The following OSBP2 variants were observed in gnomAD, a reference collection of about 807,000 sequenced individuals.
OSBP2 encodes oxysterol-binding protein 2.
Under a neutral mutation model 96.0 loss-of-function variants are expected in OSBP2, and 66 were observed. That is an observed-to-expected ratio of 0.69 (90% confidence interval 0.56 to 0.84). OSBP2 has a LOEUF of 0.84. OSBP2 is among the 40% of genes least tolerant of loss of function. The pLI is 0.00. For synonymous variants in OSBP2, 525 were observed against 520.9 expected (o/e 1.01, Z -0.11); for missense variants, 1,038 against 1,222.7 (o/e 0.85, Z 2.25).
At chr22:30,785,032 C>T (rs367608073) in intron 2 of OSBP2, among the ~76,000 whole-genome samples, 4 of 152,048 alleles carry the variant, frequency 2.6e-5, no homozygotes, top group Non-Finnish European at 5.9e-5. Context: ...CCTTGGCCTC[C>T]CAAAGTGCTG....
At chr22:30,851,485 T>C (rs1443207985) in intron 2 of OSBP2, among the ~76,000 whole-genome samples, 1 of 152,266 alleles carries the variant, frequency 6.6e-6, no homozygotes, top group African/African-American at 2.4e-5. Context: ...GTGGCTTTTC[T>C]TTAGATTCTT....
intron 1 of OSBP2, among the ~76,000 whole-genome samples, chr22:30,735,567 T>G (rs1192530582): frequency 6.6e-6 from 1 of 152,026 alleles, no homozygotes; most frequent in African/African-American, 2.4e-5. Context: ...CACTTCACCC[T>G]CCCAAAGTGC....
chr22:30,694,218 C>A (rs1269535806), upstream of OSBP2: 83 of 1,549,758 alleles, frequency 5.4e-5, no homozygotes, highest in East Asian at 1.9e-3. Context: ...AGAACCCGAA[C>A]GATGTCGTCA....
chr22:30,816,715 G>A (rs565999834), intron 2 of OSBP2, among the ~76,000 whole-genome samples: 1 of 152,222 alleles, frequency 6.6e-6, no homozygotes, highest in East Asian at 1.9e-4. Flanking sequence ...ACTGAATGGT[G>A]CCCTTGGTGC....
At chr22:30,738,788 C>G (rs911178637) in intron 1 of OSBP2, among the ~76,000 whole-genome samples, 2 of 152,084 alleles carry the variant, frequency 1.3e-5, no homozygotes, top group Admixed American at 1.3e-4. Flanking sequence ...TCACAATCTC[C>G]TCACCTCAAG....
chr22:30,854,600 C>T (rs2039043307), intron 2 of OSBP2, among the ~76,000 whole-genome samples: 1 of 150,322 alleles, frequency 6.7e-6, no homozygotes, highest in African/African-American at 2.5e-5. Flanking sequence ...TGAGCCAACA[C>T]ACCCGCCCTA....
chr22:30,752,509 C>T (rs1190395398), intron 2 of OSBP2, among the ~76,000 whole-genome samples: 3 of 151,706 alleles, frequency 2.0e-5, no homozygotes, highest in Admixed American at 2.0e-4. Context: ...CCAGGATGGT[C>T]TCGATCTCCT....
intron 1 of OSBP2, among the ~76,000 whole-genome samples, chr22:30,712,068 G>T (rs2089362731): frequency 6.6e-6 from 1 of 152,208 alleles, no homozygotes; most frequent in African/African-American, 2.4e-5. Flanking sequence ...CCCAAACGGA[G>T]ATCAATGGCA....
At chr22:30,756,812 A>G (rs1007506451) in intron 2 of OSBP2, among the ~76,000 whole-genome samples, 22 of 152,184 alleles carry the variant, frequency 1.4e-4, no homozygotes, top group African/African-American at 5.3e-4. Context: ...GACGGAAGTA[A>G]CATTGTCAGT....
intron 2 of OSBP2, among the ~76,000 whole-genome samples, chr22:30,751,444 T>C (rs2090072735): frequency 6.6e-6 from 1 of 152,030 alleles, no homozygotes; most frequent in Non-Finnish European, 1.5e-5. Flanking sequence ...AACCCCCATC[T>C]CCCAAGTTCA....
chr22:30,694,259 A>T, upstream of OSBP2: 1 of 1,549,898 alleles, frequency 6.5e-7, no homozygotes, highest in Non-Finnish European at 8.7e-7. Flanking sequence ...CATGAACCGT[A>T]GGCCAGCTGG....
chr22:30,897,711 G>A (rs2040095394), intron 12 of OSBP2, among the ~76,000 whole-genome samples: 1 of 152,208 alleles, frequency 6.6e-6, no homozygotes, highest in Admixed American at 6.5e-5. Context: ...GCCGAAGGTA[G>A]CGGGGGAGGG....
chr22:30,736,845 T>C lies in OSBP2; in HGVS notation c.645-4316T>C, dbSNP rs571532445. ...TCTGTGTCCATAATTTCATCTACTTTTGTTTAGGAATATCTGTCCTCTTTC... is the reference window on the plus strand; with the variant it reads ...TCTGTGTCCATAATTTCATCTACTTCTGTTTAGGAATATCTGTCCTCTTTC... On this transcript the variant is annotated intron_variant, in intron 1 of 13. Transcript: ENST00000332585. Among the ~76,000 whole-genome samples, 7 of 152,364 alleles carry C rather than the reference T, an allele frequency of 4.6e-5. No individual in the cohort carries two copies. The East Asian group carries it at 1.3e-3, about 29-fold the overall frequency.
chr22:30,780,399 G>A (rs1446626861), intron 2 of OSBP2, among the ~76,000 whole-genome samples: 2 of 152,176 alleles, frequency 1.3e-5, no homozygotes, highest in African/African-American at 4.8e-5. Flanking sequence ...AACCCGACAC[G>A]CATGACACGG....
chr22:30,887,167 C>T (rs1211019953), intron 3 of OSBP2, among the ~76,000 whole-genome samples: 6 of 152,144 alleles, frequency 3.9e-5, no homozygotes, highest in Non-Finnish European at 7.3e-5. Flanking sequence ...AGGTCACTCT[C>T]GTCGCCATTT....
intron 2 of OSBP2, among the ~76,000 whole-genome samples, chr22:30,868,392 C>T (rs1426554432): frequency 6.6e-6 from 1 of 152,262 alleles, no homozygotes; most frequent in East Asian, 1.9e-4. Context: ...GCCAGTGGCC[C>T]AGACCCTGGC....
intron 1 of OSBP2, among the ~76,000 whole-genome samples, chr22:30,737,792 A>G (rs1419649463): frequency 6.6e-6 from 1 of 150,866 alleles, no homozygotes; most frequent in Non-Finnish European, 1.5e-5. Context: ...GGCTCACCAC[A>G]ACCTCTGCCT....
intron 1 of OSBP2, among the ~76,000 whole-genome samples, chr22:30,709,922 A>C: frequency 6.9e-6 from 1 of 145,214 alleles, no homozygotes; most frequent in Non-Finnish European, 1.5e-5. Flanking sequence ...TTGCTTTGTC[A>C]CCCGGGCTGG....
At chr22:30,759,672 T>G (rs2090183677) in intron 2 of OSBP2, among the ~76,000 whole-genome samples, 1 of 152,130 alleles carries the variant, frequency 6.6e-6, no homozygotes, top group Non-Finnish European at 1.5e-5. Flanking sequence ...ATCCATAAAC[T>G]GAATAATCCT....
Sources: allele counts gnomAD v4.1 joint callset (sites outside exome capture counted in the v4.1 genomes callset), GRCh38; gene constraint gnomAD v4.1.1; transcripts MANE v1.5; gene names NCBI Gene and HGNC (gene_info 2026-07-23, HGNC 2026-07-21).